Variants in CACNA1C observed in about 807,000 individuals in gnomAD.
CACNA1C encodes the protein calcium voltage-gated channel subunit alpha1 C, also known as voltage-dependent L-type calcium channel subunit alpha-1C.
CACNA1C carries 30 observed loss-of-function variants against 229.0 expected under a neutral mutation model. The observed-to-expected ratio is 0.13, with a 90% CI of 0.10 to 0.18. The LOEUF is 0.18. Among genes scored for constraint, CACNA1C ranks in the 10% least tolerant of loss-of-function variants. The pLI, the probability that CACNA1C is intolerant of heterozygous loss-of-function variation, is 1.00. For synonymous variants in CACNA1C, 1,114 were observed against 1,132.5 expected, an observed-to-expected ratio of 0.98 and a Z score of 0.33; for missense variants, 1,658 against 2,845.0, an observed-to-expected ratio of 0.58 and a Z score of 9.49.
chr12:2,142,192 G>A (rs958800180), intron 3 of CACNA1C, among the ~76,000 whole-genome samples: 1 of 151,268 alleles, frequency 6.6e-6, no homozygotes, highest in Non-Finnish European at 1.5e-5. Flanking sequence ...AGGACCGTGT[G>A]GGGTGGATCA....
intron 1 of CACNA1C, among the ~76,000 whole-genome samples, chr12:1,993,627 G>GGT (rs150056084): frequency 0.016 from 2,380 of 146,654 alleles, 21 homozygotes; most frequent in Middle Eastern, 0.032. Context: ...CTTCATTTGT[G>GGT]GTGTGTGTGT....
chr12:2,107,472 G>A (rs1178682624), intron 1 of CACNA1C, among the ~76,000 whole-genome samples: 8 of 101,654 alleles, frequency 7.9e-5, no homozygotes, highest in African/African-American at 2.7e-4. Context: ...CCCACCCCGG[G>A]GAGGGTTTCC....
At position 2,053,729 on chromosome 12, in the gene CACNA1C, C is replaced by A; in HGVS notation, c.49+118C>A. On this transcript the variant is annotated intron_variant, in intron 1 of 46. Coordinates refer to ENST00000399655, the MANE Select transcript of CACNA1C (RefSeq NM_000719.7). This position sits in a 1 kb window ranked among gnomAD's most constrained non-coding sequence, Gnocchi z 5.8. The stretch of plus-strand genomic sequence containing the variant: ...CCTGCGGAGTGGCCCGGGGCCGCGT[C>A]CGCGAGGGGCGCCTCCGCCTCGTCG... 2 of 1,017,530 alleles carry A rather than the reference C, an allele frequency of 2.0e-6. No homozygotes were observed. The highest frequency in any genetic ancestry group is 3.9e-5 in the East Asian group (1 of 25,940). 63.0% of individuals were successfully genotyped at this position (1,017,530 alleles called of 1,614,324 possible). A position where few individuals can be genotyped will look rare whatever the true frequency, so the allele number is the denominator to read the frequency against.
At chr12:2,062,856 C>T (rs150357718) in intron 1 of CACNA1C, among the ~76,000 whole-genome samples, 63 of 152,310 alleles carry the variant, frequency 4.1e-4, no homozygotes, top group African/African-American at 1.4e-3. Context: ...ACGAGATTCC[C>T]GTGAGTCCCG....
rs1261325615 is a variant in CACNA1C at position 2,115,288 on chromosome 12, G to A, written c.114G>A (p.Leu38=). The change falls in exon 2 of 47, where the codon CTG becomes CTA. Residue 38 remains leucine, a synonymous_variant. Coordinates refer to ENST00000399655, the MANE Select transcript of CACNA1C (RefSeq NM_000719.7). ...ANMNANAAAG[L]APEHIPTPGA... Reference sequence around the variant, plus strand: ...TGAATGCCAATGCGGCAGCGGGGCTGGCCCCTGAGCACATCCCCACCCCGG... The same window carrying A: ...TGAATGCCAATGCGGCAGCGGGGCTAGCCCCTGAGCACATCCCCACCCCGG... 2 of 1,591,790 alleles carry A rather than the reference G, an allele frequency of 1.3e-6. No homozygotes were observed. Among genetic ancestry groups the A allele is most frequent in the African/African-American group, 2.7e-5 (2 of 74,400 alleles).
At chr12:2,011,748 G>A (rs750193069) in intron 1 of CACNA1C, among the ~76,000 whole-genome samples, 4 of 152,164 alleles carry the variant, frequency 2.6e-5, no homozygotes, top group Non-Finnish European at 5.9e-5. Context: ...ACTAAGGGCC[G>A]AAAAGCCTTT....
intron 1 of CACNA1C, among the ~76,000 whole-genome samples, chr12:2,055,376 G>A (rs552272717): frequency 1.3e-5 from 2 of 152,328 alleles, no homozygotes; most frequent in South Asian, 4.1e-4. Context: ...CTGTAGTATT[G>A]CCCTAAGTAT....
rs17223925 is a variant in CACNA1C, at chr12:2,504,255, G to A, written c.1114-587G>A. On this transcript the variant is annotated intron_variant, in intron 7 of 46. Transcript: ENST00000399655. This position sits in a 1 kb window ranked among gnomAD's most constrained non-coding sequence, Gnocchi z 6.8. ...GGCAGAGCGGGCCGAGGTCCCCTTCGGTCACAGGAGTTCCTTTGAACATGG... is the reference window on the plus strand; with the variant it reads ...GGCAGAGCGGGCCGAGGTCCCCTTCAGTCACAGGAGTTCCTTTGAACATGG... Among the ~76,000 whole-genome samples the A allele has an allele frequency of 0.024, 3,651 of 152,154 alleles. 70 individuals carry two copies. Among genetic ancestry groups the A allele is most frequent in the Admixed American group, 0.045 (692 of 15,286 alleles).
At chr12:2,648,592 C>T in intron 31 of CACNA1C, 85 bp downstream of exon 31, 1 of 1,195,666 alleles carries the variant, frequency 8.4e-7, no homozygotes, top group Non-Finnish European at 1.2e-6. Flanking sequence ...CTCCAGAGTC[C>T]CTGGGAGCCC....
At chr12:2,672,141 G>A (rs1353122598) in intron 38 of CACNA1C, 3 of 152,218 alleles carry the variant, frequency 2.0e-5, no homozygotes, top group South Asian at 2.1e-4. Flanking sequence ...CAGAGAAGCA[G>A]AGCTGTCATC....
intron 3 of CACNA1C, chr12:2,223,550 C>T (rs1487706379): frequency 6.6e-6 from 1 of 152,250 alleles, no homozygotes; most frequent in Middle Eastern, 3.4e-3. Flanking sequence ...ATCGTCCTTC[C>T]TGTGGTGGAT....
intron 3 of CACNA1C, among the ~76,000 whole-genome samples, chr12:2,434,030 C>T (rs1008551268): frequency 4.6e-5 from 7 of 152,056 alleles, no homozygotes; most frequent in South Asian, 2.1e-4. Context: ...TGAGGAAAAA[C>T]GCTATGCATA....
chr12:2,390,266 T>C (rs1249658779), intron 3 of CACNA1C, among the ~76,000 whole-genome samples: 1 of 152,164 alleles, frequency 6.6e-6, no homozygotes, highest in Non-Finnish European at 1.5e-5. Flanking sequence ...GTATGATCTT[T>C]GGGAACACCA....
At chr12:2,229,860 G>C (rs1228974830) in intron 3 of CACNA1C, among the ~76,000 whole-genome samples, 1 of 152,178 alleles carries the variant, frequency 6.6e-6, no homozygotes, top group African/African-American at 2.4e-5. Context: ...TGCAGGCCAC[G>C]GTGAGCACGG....
In CACNA1C at chr12:2,601,993, A is replaced by G. The variant is rs763190418; in HGVS notation, c.2960+33A>G. The G allele has an allele frequency of 4.3e-6, 6 of 1,402,110 alleles. No individual in the cohort carries two copies. Among genetic ancestry groups the G allele is most frequent in the Non-Finnish European group, 6.1e-6 (6 of 986,758 alleles). The allele number at this position is 1,402,110 out of a possible 1,614,324, so 86.9% of individuals were successfully genotyped here. ...GGAGCCCCTCAGCCCACGATGGGCC[A>G]TGCAGCTAGCAAGGGGTGCCAGAGA... On this transcript the variant is annotated intron_variant, in intron 22 of 46. Transcript: ENST00000399655. The surrounding 1 kb of genome is among the most constrained non-coding windows in gnomAD (Gnocchi z 5.9).
intron 1 of CACNA1C, among the ~76,000 whole-genome samples, chr12:2,041,270 C>CCTTTTTT (rs1431120411): frequency 1.2e-4 from 11 of 91,000 alleles, no homozygotes; most frequent in African/African-American, 4.6e-4. Context: ...TAAGGGTATT[C>CCTTTTTT]TTTTTTTTTT....
chr12:2,120,857 C>T lies in CACNA1C; in HGVS notation c.477+427C>T, dbSNP rs192496175. Among the ~76,000 whole-genome samples, 141 of 152,060 alleles carry T rather than the reference C, an allele frequency of 9.3e-4. 1 individual carries two copies. The East Asian group carries it at 0.011, about 12-fold the overall frequency. On this transcript the variant is annotated intron_variant, in intron 3 of 46. Coordinates refer to ENST00000399655, the MANE Select transcript of CACNA1C (RefSeq NM_000719.7). ...TCAGGTGATCTGGAGTGTTGCTGCACGATAAATAATTTCTAGGAAGCTTTT... is the reference window on the plus strand; with the variant it reads ...TCAGGTGATCTGGAGTGTTGCTGCATGATAAATAATTTCTAGGAAGCTTTT...
chr12:2,574,738 A>G lies in CACNA1C; in HGVS notation c.1896-6852A>G, dbSNP rs75302420. Among the ~76,000 whole-genome samples the G allele has an allele frequency of 1.3e-3, 191 of 151,290 alleles. No individual in the cohort carries two copies. In the East Asian group the frequency reaches 0.035, roughly 27 times the overall value. On this transcript the variant is annotated intron_variant, in intron 13 of 46. Transcript: ENST00000399655. ...GCTCTTCCATCACCTTCTAGCCCCC[A>G]CTCTTCTCAGGCCCCCTGGAGCCTC...
chr12:2,300,149 G>A (rs2094441530), intron 3 of CACNA1C, among the ~76,000 whole-genome samples: 1 of 152,234 alleles, frequency 6.6e-6, no homozygotes, highest in Non-Finnish European at 1.5e-5. Context: ...AAGCTTCTCT[G>A]GAGAGAGTTG....
Sources: gnomAD v4.1 joint callset for allele counts (sites outside exome capture counted in the v4.1 genomes callset) on GRCh38, gnomAD v4.1.1 for gene constraint, Gnocchi (gnomAD v3.1) non-coding constraint, MANE v1.5 for transcripts, NCBI Gene and HGNC (gene_info 2026-07-23, HGNC 2026-07-21) for gene names.